Variants in DOT1L observed in about 807,000 individuals in gnomAD.
DOT1L encodes DOT1 like histone lysine methyltransferase, also known as histone-lysine N-methyltransferase, H3 lysine-79 specific.
Under a neutral mutation model 153.3 loss-of-function variants are expected in DOT1L, and 33 were observed. The ratio of observed to expected loss-of-function variants is 0.22; its 90% CI spans 0.16 to 0.29. The LOEUF is 0.29. Ranked by LOEUF, DOT1L falls within the 10% of genes least tolerant of loss-of-function variation. DOT1L has a pLI of 1.00. For synonymous variants in DOT1L, 1,135 were observed against 965.1 expected (o/e 1.18, Z -3.26); for missense variants, 1,847 against 2,119.9 (o/e 0.87, Z 2.53).
At chr19:2,174,004 G>C (rs1021899649) in intron 1 of DOT1L, among the ~76,000 whole-genome samples, 1 of 152,228 alleles carries the variant, frequency 6.6e-6, no homozygotes, top group Non-Finnish European at 1.5e-5. Flanking sequence ...CCGGGCTGGA[G>C]TATTGGAGTT....
intron 12 of DOT1L, among the ~76,000 whole-genome samples, chr19:2,209,767 AGGAAGGG>A (rs1487801403): frequency 6.6e-6 from 1 of 152,358 alleles, no homozygotes; most frequent in African/African-American, 2.4e-5. Context: ...AACCCCGTAC[AGGAAGGG>A]CTCTGTCACT....
intron 2 of DOT1L, among the ~76,000 whole-genome samples, chr19:2,184,378 C>T (rs1348291094): frequency 6.6e-6 from 1 of 152,118 alleles, no homozygotes; most frequent in African/African-American, 2.4e-5. Context: ...CTGTGTCTTT[C>T]AGTGTGGAAG....
chr19:2,226,131 T>A, intron 26 of DOT1L, 52 bp from the exon 27 acceptor site: 1 of 1,478,322 alleles, frequency 6.8e-7, no homozygotes, highest in South Asian at 1.4e-5. Flanking sequence ...GCCTCATGGG[T>A]AGCCCGGGCA....
chr19:2,227,757 C>T lies in DOT1L; in HGVS notation c.4606+630C>T, dbSNP rs1186555065. ...TGCAGGTGTCTTTAACCACGCGGTG[C>T]CCTCCGCCTCTGCTCATCCGTTTGG... On this transcript the variant is annotated intron_variant, in intron 27 of 27. Coordinates refer to ENST00000398665, the MANE Select transcript of DOT1L (RefSeq NM_032482.3). 5 of 1,319,292 alleles carry T rather than the reference C, an allele frequency of 3.8e-6. No homozygotes were observed. In the African/African-American group the frequency reaches 4.5e-5, roughly 12 times the overall value. 81.7% of individuals were successfully genotyped at this position (1,319,292 alleles called of 1,614,324 possible).
chr19:2,165,779 T>G (rs1372469505), intron 1 of DOT1L, among the ~76,000 whole-genome samples: 2 of 151,840 alleles, frequency 1.3e-5, no homozygotes, highest in Non-Finnish European at 2.9e-5. Flanking sequence ...ATTTTTTTTT[T>G]TTTTTTTGAG....
intron 19 of DOT1L, chr19:2,215,781 G>C (rs1159153109): frequency 6.5e-6 from 1 of 153,126 alleles, no homozygotes; most frequent in Non-Finnish European, 1.5e-5. Flanking sequence ...TAGAGCCCTC[G>C]GGAAGAGCAT....
chr19:2,209,593 A>T (rs994956464), intron 12 of DOT1L, among the ~76,000 whole-genome samples: 1 of 152,206 alleles, frequency 6.6e-6, no homozygotes, highest in Non-Finnish European at 1.5e-5. Flanking sequence ...CCCACCTTAA[A>T]GCAGCGGTGG....
At position 2,226,275 on chromosome 19, in the gene DOT1L, G is replaced by T. The variant is rs749003392; in HGVS notation, c.3754G>T (p.Gly1252Cys). Residue 1252 changes from glycine (G) to cysteine (C), a missense_variant, in exon 27 of 28, where the codon GGC (glycine) becomes TGC (cysteine). Gly to Cys is a radical substitution (Grantham distance 159, BLOSUM62 -3). Around this residue, in one of 8 missense-constraint regions of DOT1L, gnomAD observed 934 missense variants for 825.3 expected, o/e 1.13. Transcript: ENST00000398665. ...KSTFSPISDI[G>C]LAKSADSPLQ... ...CACCTTCTCGCCCATCTCCGACATCGGCCTGGCCAAGTCGGCGGACAGCCC... is the reference window on the plus strand; with the variant it reads ...CACCTTCTCGCCCATCTCCGACATCTGCCTGGCCAAGTCGGCGGACAGCCC... The T allele has an allele frequency of 1.8e-5, 29 of 1,595,718 alleles. No individual in the cohort carries two copies. Among genetic ancestry groups the T allele is most frequent in the Non-Finnish European group, 2.5e-5 (29 of 1,170,664 alleles).
chr19:2,225,239 G>C, intron 25 of DOT1L, 149 bp from the exon 26 acceptor site: 1 of 730,968 alleles, frequency 1.4e-6, no homozygotes, highest in Non-Finnish European at 2.4e-6. Context: ...TCCAGGCCTG[G>C]CCCAGGGTGG....
In DOT1L at chr19:2,210,571, A is replaced by G. The variant is rs746425283; in HGVS notation, c.1117-50A>G. The G allele has an allele frequency of 3.1e-6, 5 of 1,596,222 alleles. No homozygotes were observed. The Admixed American group carries it at 5.1e-5, about 16-fold the overall frequency. Reference sequence around the variant, plus strand: ...ACCCGCCCCCTGCCCGGGAGACCCCATGGGTGGGAGGCTCTGTGCCCATCC... The same window carrying G: ...ACCCGCCCCCTGCCCGGGAGACCCCGTGGGTGGGAGGCTCTGTGCCCATCC... On this transcript the variant is annotated intron_variant, in intron 13 of 27. Coordinates refer to ENST00000398665, the MANE Select transcript of DOT1L (RefSeq NM_032482.3).
At chr19:2,196,475 G>A (rs2023025024) in intron 7 of DOT1L, among the ~76,000 whole-genome samples, 1 of 152,188 alleles carries the variant, frequency 6.6e-6, no homozygotes, top group Non-Finnish European at 1.5e-5. Context: ...TGGAATTAAA[G>A]GCGCATGCCA....
chr19:2,229,564 G>A, intron 27 of DOT1L: 1 of 985,470 alleles, frequency 1.0e-6, no homozygotes, highest in Non-Finnish European at 1.2e-6. Flanking sequence ...AGGAAGGCTG[G>A]AGCTTGGCCG....
intron 1 of DOT1L, among the ~76,000 whole-genome samples, chr19:2,177,507 G>T (rs1164671876): frequency 6.6e-6 from 1 of 151,956 alleles, no homozygotes; most frequent in Non-Finnish European, 1.5e-5. Flanking sequence ...TATTATTAGT[G>T]GTAATAATTT....
intron 12 of DOT1L, 36 bp downstream of exon 12, chr19:2,209,012 A>C: frequency 6.2e-7 from 1 of 1,605,602 alleles, no homozygotes; most frequent in Non-Finnish European, 8.5e-7. Flanking sequence ...GGTTAATAAC[A>C]CGCATGCACT....
chr19:2,185,283 G>T (rs2022440361), intron 2 of DOT1L, among the ~76,000 whole-genome samples: 1 of 152,176 alleles, frequency 6.6e-6, no homozygotes, highest in South Asian at 2.1e-4. Flanking sequence ...CAGCCCTGTA[G>T]CAGATAAGTT....
intron 8 of DOT1L, among the ~76,000 whole-genome samples, chr19:2,202,152 T>C (rs1425825064): frequency 6.6e-6 from 1 of 152,170 alleles, no homozygotes; most frequent in Non-Finnish European, 1.5e-5. Flanking sequence ...GGAGCCTCGT[T>C]TGAGGATGCC....
intron 12 of DOT1L, 112 bp downstream of exon 12, chr19:2,209,088 C>T (rs760944984): frequency 3.3e-4 from 416 of 1,258,996 alleles, no homozygotes; most frequent in Non-Finnish European, 4.2e-4. Context: ...ACAGCCCTGC[C>T]GCCCCTCGGG....
rs1483333668 is a variant in DOT1L, at chr19:2,220,344, C to T, written c.2806+122C>T. On this transcript the variant is annotated intron_variant, in intron 23 of 27. Coordinates refer to ENST00000398665, the MANE Select transcript of DOT1L (RefSeq NM_032482.3). This position sits in a 1 kb window ranked among gnomAD's most constrained non-coding sequence, Gnocchi z 4.5. ...GGGGTGATCATGGGGGCTGCTGCCC[C>T]AAACCGCCACGCCTCATTACTGACA... 1.1e-6 allele frequency: 1 copy of T among 949,386 alleles called. No individual in the cohort carries two copies. Among genetic ancestry groups the T allele is most frequent in the Non-Finnish European group, 1.6e-6 (1 of 610,560 alleles). 58.8% of individuals were successfully genotyped at this position (949,386 alleles called of 1,614,324 possible).
intron 27 of DOT1L, chr19:2,227,575 G>A: frequency 1.2e-6 from 1 of 808,072 alleles, no homozygotes; most frequent in South Asian, 1.8e-5. Flanking sequence ...GAGGGCGGAG[G>A]GCGGGCCACC....
Sources: gnomAD v4.1 joint callset for allele counts (sites outside exome capture counted in the v4.1 genomes callset) on GRCh38, gnomAD v4.1.1 for gene constraint, gnomAD v4.1.1 regional missense constraint, Gnocchi (gnomAD v3.1) non-coding constraint, MANE v1.5 for transcripts, NCBI Gene and HGNC (gene_info 2026-07-23, HGNC 2026-07-21) for gene names.